MCCC1: variants seen among roughly 807,000 people sequenced by gnomAD.
MCCC1 encodes methylcrotonoyl-CoA carboxylase subunit alpha, mitochondrial.
In MCCC1, 64 loss-of-function variants were observed where a neutral mutation model predicts 83.8. That is an observed-to-expected ratio of 0.76 (90% confidence interval 0.62 to 0.94). MCCC1 has a LOEUF of 0.94. MCCC1 is among the 40% of genes least tolerant of loss of function. The probability of loss-of-function intolerance (pLI) is 0.00; values close to 1 mark genes in which losing one functional copy is unlikely to be tolerated. For synonymous variants in MCCC1, 322 were observed against 315.4 expected, an observed-to-expected ratio of 1.02 and a Z score of -0.22; for missense variants, 807 against 904.7, an observed-to-expected ratio of 0.89 and a Z score of 1.39.
rs1711966519 is a variant in MCCC1, at chr3:183,019,490, A to AG, written c.1977+639dup. Among the ~76,000 whole-genome samples, 7 of 152,352 alleles carry AG rather than the reference A, an allele frequency of 4.6e-5. No individual in the cohort carries two copies. The South Asian group carries it at 1.4e-3, about 32-fold the overall frequency. Reference sequence around the variant, plus strand: ...TCCCTTCCACCACGTGAGGACACAGAGAAAAAATGGCTGTTTATGAAATCG... The same window carrying AG: ...TCCCTTCCACCACGTGAGGACACAGAGGAAAAAATGGCTGTTTATGAAATCG... On this transcript the variant is annotated intron_variant, in intron 17 of 18. Coordinates refer to ENST00000265594, the MANE Select transcript of MCCC1 (RefSeq NM_020166.5).
intron 13 of MCCC1, among the ~76,000 whole-genome samples, chr3:183,034,445 A>T (rs1577260538): frequency 9.0e-6 from 1 of 111,446 alleles, no homozygotes; most frequent in African/African-American, 3.5e-5. Flanking sequence ...ACAGAGCAAG[A>T]CTCCGTCTCA....
At chr3:183,086,219 C>G (rs889542480) in intron 4 of MCCC1, among the ~76,000 whole-genome samples, 5 of 152,224 alleles carry the variant, frequency 3.3e-5, no homozygotes, top group African/African-American at 1.2e-4. Context: ...ACATTCTTCT[C>G]CCTTGAACAC....
intron 6 of MCCC1, 28 bp downstream of exon 6, chr3:183,071,182 T>G (rs377499200): frequency 2.7e-5 from 43 of 1,614,084 alleles, no homozygotes; most frequent in Non-Finnish European, 3.4e-5. Flanking sequence ...AAGCCTGAAT[T>G]GGCAAACACA....
chr3:183,057,331 T>A lies in MCCC1; in HGVS notation c.853A>T (p.Ile285Phe), dbSNP rs1715495740. The A allele has an allele frequency of 1.2e-6, 2 of 1,607,680 alleles. No individual in the cohort carries two copies. The highest frequency in any genetic ancestry group is 1.7e-5 in the Admixed American group (1 of 59,410). Residue 285 changes from isoleucine to phenylalanine, a missense_variant, in exon 8 of 19, where the codon ATC becomes TTC. Ile to Phe is a conservative substitution (Grantham distance 21). Transcript: ENST00000265594. ...CTTACCGCTGGGGCCTCCTCAATGA[T>A]CTTCTGATGTCGCCTCTGCACACTA... ...DCSVQRRHQK[I>F]IEEAPAPGIK... is the part of the protein sequence containing the mutation.
chr3:183,082,292 G>A (rs1577345828), intron 4 of MCCC1, among the ~76,000 whole-genome samples: 1 of 152,152 alleles, frequency 6.6e-6, no homozygotes, highest in East Asian at 1.9e-4. Flanking sequence ...ACTTGTCAGT[G>A]ATTTTCAAGT....
At chr3:183,038,358 A>G (rs1449603033) in intron 12 of MCCC1, among the ~76,000 whole-genome samples, 1 of 152,216 alleles carries the variant, frequency 6.6e-6, no homozygotes, top group African/African-American at 2.4e-5. Context: ...AACATTCTGG[A>G]AGATTGGACA....
At chr3:183,110,186 T>G (rs1719470415) in intron 1 of MCCC1, among the ~76,000 whole-genome samples, 1 of 152,158 alleles carries the variant, frequency 6.6e-6, no homozygotes, top group South Asian at 2.1e-4. Flanking sequence ...TTTCTCCCAT[T>G]CTGTAGGTTA....
At chr3:183,040,421 C>T (rs1713977498) in intron 11 of MCCC1, among the ~76,000 whole-genome samples, 1 of 151,862 alleles carries the variant, frequency 6.6e-6, no homozygotes, top group Admixed American at 6.6e-5. Context: ...CTCTTAAAAA[C>T]TTGTCCTGGC....
chr3:183,019,597 C>A (rs1194644444), intron 17 of MCCC1, among the ~76,000 whole-genome samples: 1 of 152,160 alleles, frequency 6.6e-6, no homozygotes, highest in African/African-American at 2.4e-5. Context: ...AAATAAATTT[C>A]TATTGTTTAA....
chr3:183,039,249 T>C (rs1024722752), intron 11 of MCCC1, 114 bp from the exon 12 acceptor site: 3 of 1,006,190 alleles, frequency 3.0e-6, no homozygotes, highest in Admixed American at 4.0e-5. Context: ...AACCCCTGCA[T>C]GATAAATAAC....
intron 5 of MCCC1, 30 bp from the exon 6 acceptor site, chr3:183,071,387 C>A: frequency 6.2e-7 from 1 of 1,613,868 alleles, no homozygotes; most frequent in East Asian, 2.2e-5. Context: ...ACAACATGCC[C>A]CAAATTCTAC....
chr3:183,074,599 C>T (rs1328081300), intron 4 of MCCC1, among the ~76,000 whole-genome samples: 6 of 152,160 alleles, frequency 3.9e-5, no homozygotes, highest in South Asian at 4.1e-4. Flanking sequence ...GAAACTCATA[C>T]GAATAGAAAA....
At position 183,054,056 on chromosome 3, in the gene MCCC1, AT is replaced by A. The variant is rs1424369171; in HGVS notation, c.874-1817del. On this transcript the variant is annotated intron_variant, in intron 8 of 18. Transcript: ENST00000265594. The stretch of plus-strand genomic sequence containing the variant: ...GCCACCACATCCAGATAATTTTTAT[AT>A]TTTTAGTAAAGGCAGGGTTTCAGCA... Among the ~76,000 whole-genome samples, 6 of 140,064 alleles carry A rather than the reference AT, an allele frequency of 4.3e-5. 1 individual carries two copies. The highest frequency in any genetic ancestry group is 9.3e-5 in the Non-Finnish European group (6 of 64,720). 91.9% of individuals were successfully genotyped at this position (140,064 alleles called of 152,430 possible).
In MCCC1 at chr3:183,085,237, C is replaced by A. The variant is rs140763579; in HGVS notation, c.369+1456G>T. On this transcript the variant is annotated intron_variant, in intron 4 of 18. Coordinates refer to ENST00000265594, the MANE Select transcript of MCCC1 (RefSeq NM_020166.5). ...ATGTTGTTGTCCCTACCTTTGCCCC[C>A]ACTTCAATCATCCATTTCCCCACCC... 7.2e-4 allele frequency among the ~76,000 whole-genome samples: 110 copies of A among 152,202 alleles called. 1 individual carries two copies. The highest frequency in any genetic ancestry group is 2.5e-3 in the African/African-American group (105 of 41,540).
At chr3:183,070,751 C>T (rs1055432731) in intron 7 of MCCC1, among the ~76,000 whole-genome samples, 1 of 150,796 alleles carries the variant, frequency 6.6e-6, no homozygotes, top group Non-Finnish European at 1.5e-5. Flanking sequence ...AAAAAAAATT[C>T]TATTCACTGT....
chr3:183,018,660 T>C (rs1358237116), intron 17 of MCCC1, among the ~76,000 whole-genome samples: 1 of 150,602 alleles, frequency 6.6e-6, no homozygotes, highest in African/African-American at 2.5e-5. Flanking sequence ...TTGAAATCCT[T>C]TCATTTTTTT....
At chr3:183,111,403 G>A (rs1189107195) in intron 1 of MCCC1, among the ~76,000 whole-genome samples, 1 of 152,104 alleles carries the variant, frequency 6.6e-6, no homozygotes, top group Non-Finnish European at 1.5e-5. Flanking sequence ...AGGCTCAAGT[G>A]ATTCTCCTGC....
chr3:183,082,754 G>C (rs1577346491), intron 4 of MCCC1, among the ~76,000 whole-genome samples: 1 of 152,168 alleles, frequency 6.6e-6, no homozygotes, highest in Non-Finnish European at 1.5e-5. Flanking sequence ...AAGAGAGAAG[G>C]ATCACTTGAG....
chr3:183,055,636 C>T (rs1715362521), intron 8 of MCCC1, among the ~76,000 whole-genome samples: 1 of 152,072 alleles, frequency 6.6e-6, no homozygotes, highest in Admixed American at 6.5e-5. Flanking sequence ...GTGGCTCGGG[C>T]CTGTAATCCA....
Sources: gnomAD v4.1 joint callset for allele counts (sites outside exome capture counted in the v4.1 genomes callset) on GRCh38, gnomAD v4.1.1 for gene constraint, MANE v1.5 for transcripts, NCBI Gene and HGNC (gene_info 2026-07-23, HGNC 2026-07-21) for gene names.